PDS5B: variants seen among roughly 807,000 people sequenced by gnomAD.
PDS5B encodes sister chromatid cohesion protein PDS5 homolog B.
In PDS5B, 51 loss-of-function variants were observed where a neutral mutation model predicts 184.1. The observed-to-expected ratio is 0.28, with a 90% confidence interval of 0.22 to 0.35. The LOEUF (loss-of-function observed/expected upper bound fraction) is 0.35, where lower values mean the gene tolerates loss of function less well. PDS5B is among the 10% of genes least tolerant of loss of function. The pLI is 1.00. For missense variants in PDS5B, 1,180 were observed against 1,723.3 expected (o/e 0.68, Z 5.58); for synonymous variants, 566 against 569.2 (o/e 0.99, Z 0.08).
chr13:32,706,845 T>A, intron 17 of PDS5B, 89 bp from the exon 18 acceptor site: 2 of 677,654 alleles, frequency 3.0e-6, no homozygotes, highest in Non-Finnish European at 2.5e-6. Flanking sequence ...TATGTATATA[T>A]GTATGTGCAC....
chr13:32,770,873 C>T, intron 33 of PDS5B, 112 bp downstream of exon 33: 1 of 747,614 alleles, frequency 1.3e-6, no homozygotes, highest in Non-Finnish European at 2.2e-6. Context: ...AGCCCCATTA[C>T]ACTAGGTAAG....
At chr13:32,677,406 AT>A (rs1200679832) in intron 9 of PDS5B, among the ~76,000 whole-genome samples, 1 of 152,110 alleles carries the variant, frequency 6.6e-6, no homozygotes, top group Non-Finnish European at 1.5e-5. Flanking sequence ...GTAAATGTAT[AT>A]GTCACCTTTC....
intron 1 of PDS5B, among the ~76,000 whole-genome samples, chr13:32,588,895 T>G (rs1593221283): frequency 6.6e-6 from 1 of 152,258 alleles, no homozygotes; most frequent in African/African-American, 2.4e-5. Context: ...GGGCTTGCCC[T>G]GGAGAGGGGT....
chr13:32,732,085 GA>G lies in PDS5B; in HGVS notation c.2124-15del. On this transcript the variant is annotated splice_polypyrimidine_tract_variant and intron_variant, in intron 19 of 34. Coordinates refer to ENST00000315596, the MANE Select transcript of PDS5B (RefSeq NM_015032.4). The stretch of plus-strand genomic sequence containing the variant: ...TTTTTCTGGTTTATTGTTTTTCTTT[GA>G]TTTTTTTTTAATAGAGCCTTGCTTC... 5.7e-6 allele frequency: 9 copies of G among 1,585,812 alleles called. No individual in the cohort carries two copies. The highest frequency in any genetic ancestry group is 1.8e-5 in the Admixed American group (1 of 54,692).
At chr13:32,621,661 T>C (rs1361814638) in intron 1 of PDS5B, among the ~76,000 whole-genome samples, 1 of 140,898 alleles carries the variant, frequency 7.1e-6, no homozygotes, top group East Asian at 2.0e-4. Context: ...GAATAATTTT[T>C]TGTTAATTAC....
At chr13:32,598,497 G>A (rs1410495106) in intron 1 of PDS5B, among the ~76,000 whole-genome samples, 1 of 151,938 alleles carries the variant, frequency 6.6e-6, no homozygotes, top group Non-Finnish European at 1.5e-5. Flanking sequence ...TTTAGAGACA[G>A]GGTCTCACTG....
chr13:32,642,361 C>G (rs1024765215), intron 1 of PDS5B, among the ~76,000 whole-genome samples: 4 of 152,062 alleles, frequency 2.6e-5, no homozygotes, highest in African/African-American at 9.7e-5. Flanking sequence ...AGCTTACAGT[C>G]TAGTGGGAGA....
At chr13:32,635,170 G>GTTTTTTTTTTTTTTTTTTTTTTTTTTT (rs71071054) in intron 1 of PDS5B, among the ~76,000 whole-genome samples, 2 of 81,058 alleles carry the variant, frequency 2.5e-5, no homozygotes, top group Non-Finnish European at 5.0e-5. Flanking sequence ...AGCCAATTAC[G>GTTTTTTTTTTTTTTTTTTTTTTTTTTT]TTTTTTTTTT....
chr13:32,607,366 C>T (rs2058075864), intron 1 of PDS5B, among the ~76,000 whole-genome samples: 1 of 152,208 alleles, frequency 6.6e-6, no homozygotes, highest in South Asian at 2.1e-4. Context: ...GTGGAGGCTG[C>T]AGAACAGCAA....
In PDS5B at chr13:32,706,918, T is replaced by G; in HGVS notation, c.1857-16T>G. The G allele has an allele frequency of 6.5e-7, 1 of 1,534,752 alleles. No homozygotes were observed. Among genetic ancestry groups the G allele is most frequent in the Non-Finnish European group, 8.9e-7 (1 of 1,118,794 alleles). On this transcript the variant is annotated splice_polypyrimidine_tract_variant and intron_variant, in intron 17 of 34. Transcript: ENST00000315596. ...TAGTAACATTTGAAAAAATGACTTT[T>G]TTGGTCATATTTTAGTGCTCTTATT...
In PDS5B at chr13:32,606,980, G is replaced by A. The variant is rs540302041; in HGVS notation, c.-20+20387G>A. On this transcript the variant is annotated intron_variant, in intron 1 of 34. Coordinates refer to ENST00000315596, the MANE Select transcript of PDS5B (RefSeq NM_015032.4). ...GCCATTCGTCTAATCTTTTTTCAAGGTTTTTAGCTTCTTTGCGATGGGTTT... is the reference window on the plus strand; with the variant it reads ...GCCATTCGTCTAATCTTTTTTCAAGATTTTTAGCTTCTTTGCGATGGGTTT... Among the ~76,000 whole-genome samples the A allele has an allele frequency of 3.9e-5, 6 of 152,224 alleles. No individual in the cohort carries two copies. In the South Asian group the frequency reaches 6.2e-4, roughly 16 times the overall value.
intron 24 of PDS5B, among the ~76,000 whole-genome samples, chr13:32,752,018 T>G (rs986498956): frequency 6.6e-6 from 1 of 152,090 alleles, no homozygotes; most frequent in African/African-American, 2.4e-5. Flanking sequence ...GATGAAGAAA[T>G]TGTTACAATA....
chr13:32,691,866 A>T (rs141034357), intron 13 of PDS5B, among the ~76,000 whole-genome samples: 4 of 151,900 alleles, frequency 2.6e-5, no homozygotes, highest in Non-Finnish European at 5.9e-5. Flanking sequence ...AGACATTTAA[A>T]TTTTTCCTAA....
chr13:32,752,734 A>G (rs950408487), intron 24 of PDS5B, among the ~76,000 whole-genome samples: 1 of 152,200 alleles, frequency 6.6e-6, no homozygotes, highest in African/African-American at 2.4e-5. Context: ...TTAAGCAGGC[A>G]CACGGGTAAT....
At chr13:32,700,005 T>G (rs1343752879) in intron 16 of PDS5B, 136 bp downstream of exon 16, 2 of 755,832 alleles carry the variant, frequency 2.6e-6, no homozygotes, top group African/African-American at 1.9e-5. Context: ...AACTATAATT[T>G]CTCTATAGAG....
chr13:32,600,270 T>G (rs1300155356), intron 1 of PDS5B, among the ~76,000 whole-genome samples: 1 of 152,248 alleles, frequency 6.6e-6, no homozygotes, highest in Non-Finnish European at 1.5e-5. Context: ...CCCTTGATAG[T>G]AGGTCACATT....
chr13:32,754,433 C>T (rs1424422801), intron 25 of PDS5B, among the ~76,000 whole-genome samples: 1 of 152,052 alleles, frequency 6.6e-6, no homozygotes, highest in South Asian at 2.1e-4. Flanking sequence ...ATTTGTGTAA[C>T]AGTCTTTTTT....
intron 1 of PDS5B, among the ~76,000 whole-genome samples, chr13:32,634,152 T>TC (rs1457444872): frequency 4.6e-5 from 7 of 152,222 alleles, no homozygotes; most frequent in African/African-American, 1.4e-4. Context: ...AGCTGGTATG[T>TC]CTTTGTCTTT....
At chr13:32,625,122 A>G (rs1205630060) in intron 1 of PDS5B, among the ~76,000 whole-genome samples, 1 of 152,128 alleles carries the variant, frequency 6.6e-6, no homozygotes, top group Admixed American at 6.5e-5. Context: ...TCATTCATTT[A>G]TTCATTCATT....
Sources: gnomAD v4.1 joint callset for allele counts (sites outside exome capture counted in the v4.1 genomes callset) on GRCh38, gnomAD v4.1.1 for gene constraint, MANE v1.5 for transcripts, NCBI Gene and HGNC (gene_info 2026-07-23, HGNC 2026-07-21) for gene names.